The following TMEM131 variants were observed in gnomAD, a reference collection of about 807,000 sequenced individuals.
TMEM131 encodes transmembrane protein 131.
TMEM131 carries 66 observed loss-of-function variants against 211.6 expected under a neutral mutation model. That is an observed-to-expected ratio of 0.31 (90% CI 0.26 to 0.38). TMEM131 has a LOEUF of 0.38. TMEM131 is among the 10% of genes least tolerant of loss of function. The pLI is 1.00. For synonymous variants in TMEM131, 844 were observed against 841.3 expected, an observed-to-expected ratio of 1.00 and a Z score of -0.06; for missense variants, 2,036 against 2,299.3, an observed-to-expected ratio of 0.89 and a Z score of 2.34.
intron 26 of TMEM131, 136 bp downstream of exon 26, chr2:97,797,229 C>CCCAT: frequency 1.1e-6 from 1 of 911,802 alleles, no homozygotes; most frequent in Non-Finnish European, 1.7e-6. Flanking sequence ...TTTCATCAGG[C>CCCAT]ATGGAGTGTG....
At chr2:97,919,871 G>A (rs950036896) in intron 2 of TMEM131, among the ~76,000 whole-genome samples, 13 of 152,170 alleles carry the variant, frequency 8.5e-5, no homozygotes, top group African/African-American at 2.4e-4. Flanking sequence ...CGCCCAGCCT[G>A]GCTTTGATTT....
At chr2:97,897,234 T>C (rs1433169975) in intron 3 of TMEM131, among the ~76,000 whole-genome samples, 1 of 152,134 alleles carries the variant, frequency 6.6e-6, no homozygotes, top group Non-Finnish European at 1.5e-5. Context: ...AAAATCCTTT[T>C]TGTTTTTCCT....
intron 35 of TMEM131, chr2:97,762,690 T>G (rs1380041434): frequency 6.4e-6 from 1 of 156,496 alleles, no homozygotes; most frequent in Admixed American, 6.2e-5. Flanking sequence ...CCCTTTAAAG[T>G]AATGTCTATA....
chr2:97,811,030 A>G, intron 18 of TMEM131, 98 bp downstream of exon 18: 1 of 863,468 alleles, frequency 1.2e-6, no homozygotes, highest in Non-Finnish European at 1.9e-6. Context: ...GGTAAACTGT[A>G]ACTCTGAGTA....
intron 7 of TMEM131, among the ~76,000 whole-genome samples, chr2:97,837,898 A>G (rs985301523): frequency 6.6e-6 from 1 of 152,032 alleles, no homozygotes; most frequent in Non-Finnish European, 1.5e-5. Context: ...GTCCCTTCCT[A>G]TTTCTAGGCA....
intron 1 of TMEM131, among the ~76,000 whole-genome samples, chr2:97,950,802 G>A (rs1008505629): frequency 3.3e-5 from 5 of 152,068 alleles, no homozygotes; most frequent in Non-Finnish European, 5.9e-5. Flanking sequence ...ACTGTGGAAT[G>A]AAAAACTGCT....
intron 23 of TMEM131, 55 bp from the exon 24 acceptor site, chr2:97,802,592 G>A (rs1032404272): frequency 6.2e-7 from 1 of 1,604,102 alleles, no homozygotes; most frequent in Non-Finnish European, 8.5e-7. Flanking sequence ...AAAGCTAAGA[G>A]TAAATACTTT....
At chr2:97,869,242 G>C (rs1279472519) in intron 4 of TMEM131, among the ~76,000 whole-genome samples, 1 of 152,210 alleles carries the variant, frequency 6.6e-6, no homozygotes, top group Non-Finnish European at 1.5e-5. Flanking sequence ...AAAGAAGACA[G>C]GATACATAAT....
At chr2:97,926,246 T>C (rs938187218) in intron 2 of TMEM131, among the ~76,000 whole-genome samples, 8 of 152,178 alleles carry the variant, frequency 5.3e-5, no homozygotes, top group African/African-American at 1.7e-4. Flanking sequence ...ACACTCTCCC[T>C]GCTTTAGCTT....
intron 5 of TMEM131, 130 bp from the exon 6 acceptor site, chr2:97,844,391 A>T (rs1353604058): frequency 2.7e-6 from 1 of 374,900 alleles, no homozygotes; most frequent in East Asian, 4.0e-5. Flanking sequence ...TTAAGTTAGC[A>T]GTGGAAAATA....
intron 17 of TMEM131, 67 bp from the exon 18 acceptor site, chr2:97,811,299 T>C (rs1207735360): frequency 3.4e-5 from 40 of 1,191,868 alleles, no homozygotes; most frequent in East Asian, 9.4e-5. Context: ...AAAATGGACA[T>C]GAAGGGTGTA....
chr2:97,818,481 G>GGGGGA (rs796772650), intron 12 of TMEM131, 132 bp downstream of exon 12: 9 of 293,208 alleles, frequency 3.1e-5, no homozygotes, highest in Non-Finnish European at 5.1e-5. Context: ...GGCGGGGGGG[G>GGGGGA]ATCAACCTAA....
intron 3 of TMEM131, among the ~76,000 whole-genome samples, chr2:97,889,776 T>C (rs1252521351): frequency 6.6e-6 from 1 of 152,168 alleles, no homozygotes; most frequent in African/African-American, 2.4e-5. Context: ...ACCCCATCCA[T>C]TCAATACAAA....
At chr2:97,858,933 TACA>T (rs1673955482) in intron 5 of TMEM131, among the ~76,000 whole-genome samples, 2 of 152,230 alleles carry the variant, frequency 1.3e-5, no homozygotes, top group Non-Finnish European at 2.9e-5. Flanking sequence ...GCTTACAGTT[TACA>T]GAACTGTGTG....
intron 11 of TMEM131, among the ~76,000 whole-genome samples, chr2:97,832,287 TATA>T (rs1292366432): frequency 6.6e-6 from 1 of 152,210 alleles, no homozygotes; most frequent in Non-Finnish European, 1.5e-5. Context: ...TTCATTTTCC[TATA>T]ATATGTTTAT....
At chr2:97,923,414 G>A (rs1454112439) in intron 2 of TMEM131, among the ~76,000 whole-genome samples, 1 of 152,054 alleles carries the variant, frequency 6.6e-6, no homozygotes, top group East Asian at 1.9e-4. Flanking sequence ...CTTGAGCCCA[G>A]GAGTTTGAGA....
chr2:97,961,179 C>T (rs188567090), intron 1 of TMEM131, among the ~76,000 whole-genome samples: 3 of 150,006 alleles, frequency 2.0e-5, no homozygotes, highest in South Asian at 2.1e-4. Flanking sequence ...GGTTATAGCA[C>T]GTAAAGTTAA....
At chr2:97,820,838 AGAGT>A (rs1317053278) in intron 11 of TMEM131, among the ~76,000 whole-genome samples, 1 of 151,844 alleles carries the variant, frequency 6.6e-6, no homozygotes, top group Non-Finnish European at 1.5e-5. Context: ...CCTGGGCAAC[AGAGT>A]GAGACTCCTT....
intron 12 of TMEM131, among the ~76,000 whole-genome samples, chr2:97,815,792 G>C (rs547588438): frequency 6.6e-6 from 1 of 152,254 alleles, no homozygotes; most frequent in African/African-American, 2.4e-5. Flanking sequence ...TCCCCTTGGA[G>C]GCAAAATTAC....
Sources: allele counts gnomAD v4.1 joint callset (sites outside exome capture counted in the v4.1 genomes callset), GRCh38; gene constraint gnomAD v4.1.1; transcripts MANE v1.5; gene names NCBI Gene and HGNC (gene_info 2026-07-23, HGNC 2026-07-21).